ACAP2: variants seen among roughly 807,000 people sequenced by gnomAD.
The protein encoded by ACAP2 is ArfGAP with coiled-coil, ankyrin repeat and PH domains 2.
Under a neutral mutation model 115.8 loss-of-function variants are expected in ACAP2, and 39 were observed. The observed-to-expected ratio is 0.34, with a 90% CI of 0.26 to 0.44. The LOEUF is 0.44. Among genes scored for constraint, ACAP2 ranks in the 20% least tolerant of loss-of-function variants. The pLI, the probability that ACAP2 is intolerant of heterozygous loss-of-function variation, is 1.00. For missense variants in ACAP2, 662 were observed against 927.6 expected, an observed-to-expected ratio of 0.71 and a Z score of 3.72; for synonymous variants, 289 against 315.8, an observed-to-expected ratio of 0.92 and a Z score of 0.90.
Position 195,279,116 on chromosome 3 carries a change from C to CT in ACAP2, c.*211dup, listed in dbSNP as rs149109156. On this transcript the variant is annotated 3_prime_UTR_variant, in exon 23 of 23. Coordinates refer to ENST00000326793, the MANE Select transcript of ACAP2 (RefSeq NM_012287.6). ...CTACAGAAATAGCCCTTTAAATAGGCTTTTTTAATAAAAGAGGTCCTAAAC... is the reference window on the plus strand; with the variant it reads ...CTACAGAAATAGCCCTTTAAATAGGCTTTTTTTAATAAAAGAGGTCCTAAAC... The CT allele has an allele frequency of 5.8e-5, 23 of 395,038 alleles. No homozygotes were observed. The highest frequency in any genetic ancestry group is 3.8e-4 in the African/African-American group (18 of 47,598). The allele number at this position is 395,038 out of a possible 1,614,324, so 24.5% of individuals were successfully genotyped here. A position where few individuals can be genotyped will look rare whatever the true frequency, so the allele number is the denominator to read the frequency against.
chr3:195,421,002 T>C (rs1714148556), intron 1 of ACAP2, among the ~76,000 whole-genome samples: 1 of 152,220 alleles, frequency 6.6e-6, no homozygotes, highest in Non-Finnish European at 1.5e-5. Context: ...AATAGGGTTA[T>C]AGACAGCCAA....
intron 20 of ACAP2, among the ~76,000 whole-genome samples, chr3:195,290,270 G>A (rs1168427357): frequency 6.6e-6 from 1 of 152,060 alleles, no homozygotes; most frequent in Non-Finnish European, 1.5e-5. Flanking sequence ...TTGGGAAGCT[G>A]AGGCATGAAG....
Position 195,292,650 on chromosome 3 carries a change from G to A in ACAP2, c.1766-198C>T, listed in dbSNP as rs989638842. On this transcript the variant is annotated intron_variant, in intron 18 of 22. Coordinates refer to ENST00000326793, the MANE Select transcript of ACAP2 (RefSeq NM_012287.6). ...AAAATGGTTAAGATGGGCCAGGCAC[G>A]GTGGCTCACGCCTGCAATCCCAGCA... Among the ~76,000 whole-genome samples the A allele has an allele frequency of 2.0e-5, 3 of 152,062 alleles. No homozygotes were observed. In the South Asian group the frequency reaches 6.2e-4, roughly 32 times the overall value.
At chr3:195,289,321 C>T in intron 20 of ACAP2, 90 bp from the exon 21 acceptor site, 2 of 835,808 alleles carry the variant, frequency 2.4e-6, no homozygotes, top group Non-Finnish European at 3.9e-6. Context: ...ACTTAAGTAA[C>T]ATTTTCATTA....
At chr3:195,405,424 C>G (rs1271577339) in intron 1 of ACAP2, among the ~76,000 whole-genome samples, 1 of 152,150 alleles carries the variant, frequency 6.6e-6, no homozygotes, top group Non-Finnish European at 1.5e-5. Flanking sequence ...CGGTGGCTCA[C>G]GCCGGTAATC....
intron 10 of ACAP2, among the ~76,000 whole-genome samples, chr3:195,317,609 A>G (rs1296849341): frequency 6.6e-6 from 1 of 152,202 alleles, no homozygotes; most frequent in Non-Finnish European, 1.5e-5. Context: ...ATTTCATTTT[A>G]GTATATTACT....
At chr3:195,279,640 A>G in intron 22 of ACAP2, 1 of 365,742 alleles carries the variant, frequency 2.7e-6, no homozygotes, top group Non-Finnish European at 4.8e-6. Flanking sequence ...AGCACCTCAG[A>G]TGCAGCCACA....
intron 22 of ACAP2, chr3:195,282,552 A>G (rs1560196359): frequency 1.3e-5 from 2 of 152,336 alleles, no homozygotes. Context: ...CTTCAATGTG[A>G]TTTTTTAATA....
At chr3:195,401,369 T>C (rs1354404878) in intron 1 of ACAP2, among the ~76,000 whole-genome samples, 1 of 152,174 alleles carries the variant, frequency 6.6e-6, no homozygotes, top group African/African-American at 2.4e-5. Context: ...CATGTGTATA[T>C]TAAGAGAAGA....
At chr3:195,337,446 C>T (rs1339382684) in intron 6 of ACAP2, among the ~76,000 whole-genome samples, 13 of 131,512 alleles carry the variant, frequency 9.9e-5, no homozygotes, top group African/African-American at 2.3e-4. Flanking sequence ...AACCAGTCAT[C>T]TTTTTTTTTT....
intron 4 of ACAP2, among the ~76,000 whole-genome samples, chr3:195,366,211 T>C (rs1013470207): frequency 3.3e-5 from 5 of 152,200 alleles, no homozygotes; most frequent in African/African-American, 1.2e-4. Flanking sequence ...GGTTCTCCAC[T>C]GGCTTAGTGT....
chr3:195,384,495 G>A (rs1197702658), intron 2 of ACAP2, among the ~76,000 whole-genome samples: 1 of 152,200 alleles, frequency 6.6e-6, no homozygotes, highest in South Asian at 2.1e-4. Flanking sequence ...GGGAGGCCAA[G>A]TTGGGCAGAT....
chr3:195,326,308 T>C (rs1327041188), intron 9 of ACAP2: 2 of 152,298 alleles, frequency 1.3e-5, no homozygotes, highest in African/African-American at 4.8e-5. Context: ...TAAACTCTTT[T>C]AGCATGAAGA....
chr3:195,424,077 T>C (rs1404877662), intron 1 of ACAP2, among the ~76,000 whole-genome samples: 10 of 151,666 alleles, frequency 6.6e-5, no homozygotes, highest in Admixed American at 6.6e-4. Flanking sequence ...CTACTGAAGA[T>C]GGTTCAAGAT....
chr3:195,391,233 T>C (rs1251057962), intron 2 of ACAP2, among the ~76,000 whole-genome samples: 2 of 149,600 alleles, frequency 1.3e-5, no homozygotes, highest in Non-Finnish European at 3.0e-5. Context: ...TCTTTCTTTT[T>C]TTTTTTTTTT....
At chr3:195,440,245 CA>C (rs941796036) in intron 1 of ACAP2, among the ~76,000 whole-genome samples, 11 of 147,144 alleles carry the variant, frequency 7.5e-5, no homozygotes, top group African/African-American at 2.0e-4. Flanking sequence ...CAATCCAAAA[CA>C]AAAAAAAAAT....
chr3:195,332,562 C>A (rs1406688872), intron 8 of ACAP2, among the ~76,000 whole-genome samples: 2 of 152,084 alleles, frequency 1.3e-5, no homozygotes, highest in Non-Finnish European at 2.9e-5. Context: ...AATAAAACAT[C>A]AAGTCCTCCT....
chr3:195,414,295 G>A (rs937266159), intron 1 of ACAP2, among the ~76,000 whole-genome samples: 1 of 152,176 alleles, frequency 6.6e-6, no homozygotes, highest in African/African-American at 2.4e-5. Context: ...TTTCTAAAGA[G>A]ATGGGATCTT....
rs1339549048 is a variant in ACAP2, at chr3:195,396,702, G to C, written c.54-4555C>G. Among the ~76,000 whole-genome samples the C allele has an allele frequency of 2.1e-5, 3 of 143,342 alleles. No individual in the cohort carries two copies. In the East Asian group the frequency reaches 6.4e-4, roughly 31 times the overall value. 94.0% of individuals were successfully genotyped at this position (143,342 alleles called of 152,430 possible). A position where few individuals can be genotyped will look rare whatever the true frequency, so the allele number is the denominator to read the frequency against. On this transcript the variant is annotated intron_variant, in intron 1 of 22. Transcript: ENST00000326793. The stretch of plus-strand genomic sequence containing the variant: ...CTTGGCAGGCTGAGGCAGGAGAATT[G>C]CTTGAACCCGGGAGGCAGAGGTTGC...
Sources: allele counts gnomAD v4.1 joint callset (sites outside exome capture counted in the v4.1 genomes callset), GRCh38; gene constraint gnomAD v4.1.1; transcripts MANE v1.5; gene names NCBI Gene and HGNC (gene_info 2026-07-23, HGNC 2026-07-21).